The following ENTPD1 variants were observed in gnomAD, a reference collection of about 807,000 sequenced individuals.
ENTPD1 encodes ATP diphosphohydrolase.
A neutral mutation model predicts 57.0 loss-of-function variants in ENTPD1; 33 were observed. The ratio of observed to expected loss-of-function variants is 0.58; its 90% CI spans 0.44 to 0.77. The LOEUF (loss-of-function observed/expected upper bound fraction) is 0.77. ENTPD1 is among the 30% of genes least tolerant of loss of function. The probability of loss-of-function intolerance (pLI) is 0.00; values close to 1 mark genes in which losing one functional copy is unlikely to be tolerated. For synonymous variants in ENTPD1, 202 were observed against 218.8 expected (o/e 0.92, Z 0.68); for missense variants, 501 against 603.4 (o/e 0.83, Z 1.78).
chr10:95,740,792 T>C (rs1327472761), intron 1 of ENTPD1, among the ~76,000 whole-genome samples: 1 of 152,228 alleles, frequency 6.6e-6, no homozygotes, highest in Non-Finnish European at 1.5e-5. Flanking sequence ...ATTACGGAGG[T>C]GGCTTACTTT....
At chr10:95,862,927 T>C (rs1460631740) in intron 8 of ENTPD1, among the ~76,000 whole-genome samples, 4 of 152,026 alleles carry the variant, frequency 2.6e-5, no homozygotes, top group African/African-American at 4.8e-5. Context: ...AGGATATCCA[T>C]GAAGAGAAAA....
intron 1 of ENTPD1, among the ~76,000 whole-genome samples, chr10:95,765,139 T>G (rs2098083649): frequency 6.6e-6 from 1 of 152,240 alleles, no homozygotes; most frequent in South Asian, 2.1e-4. Context: ...GTGGGTTGTC[T>G]TTTCACTTTC....
At position 95,722,350 on chromosome 10, in the gene ENTPD1, T is replaced by C. The variant is rs181131199; in HGVS notation, c.37+10357T>C. On this transcript the variant is annotated intron_variant, in intron 1 of 9. Coordinates refer to the ENTPD1 transcript ENST00000453258. ...GGGTACATGTGCACAATGTGCAGGT[T>C]AGTTACATATGTATACATGTGCCAT... 1.2e-4 allele frequency among the ~76,000 whole-genome samples: 19 copies of C among 152,196 alleles called. No individual in the cohort carries two copies. The East Asian group carries it at 3.3e-3, about 26-fold the overall frequency.
At position 95,876,347 on chromosome 10, in the gene ENTPD1, T is replaced by C; in HGVS notation, c.*9964T>C. On this transcript the variant is annotated 3_prime_UTR_variant, in exon 10 of 10. Transcript: ENST00000371205. ...AATGGGGGCAAATACAGATAAATGG[T>C]AATTCTTAGAATGAACTACTCAGCA... is the stretch of plus-strand genomic sequence containing the variant. 1.0e-6 allele frequency: 1 copy of C among 985,432 alleles called. No individual in the cohort carries two copies. Among genetic ancestry groups the C allele is most frequent in the Non-Finnish European group, 1.2e-6 (1 of 829,918 alleles). 61.0% of individuals were successfully genotyped at this position (985,432 alleles called of 1,614,324 possible). A position where few individuals can be genotyped will look rare whatever the true frequency, so the allele number is the denominator to read the frequency against.
chr10:95,724,829 CAG>C (rs1160214058), intron 1 of ENTPD1, among the ~76,000 whole-genome samples: 1 of 152,216 alleles, frequency 6.6e-6, no homozygotes. Context: ...AGAGTGAAAA[CAG>C]AGCTCCCATA....
chr10:95,765,649 A>G (rs545990985), intron 1 of ENTPD1, among the ~76,000 whole-genome samples: 1 of 152,278 alleles, frequency 6.6e-6, no homozygotes, highest in African/African-American at 2.4e-5. Context: ...TATTTTTTAA[A>G]TATTGTTTGG....
Position 95,872,296 on chromosome 10 carries a change from G to C in ENTPD1, c.*5913G>C. On this transcript the variant is annotated 3_prime_UTR_variant, in exon 10 of 10. Transcript: ENST00000371205. ...CAAAATAAAGTCAACCTCCCCATCAGACATTCAAGGCTTTCAATGATCCAT... is the reference window on the plus strand; with the variant it reads ...CAAAATAAAGTCAACCTCCCCATCACACATTCAAGGCTTTCAATGATCCAT... 1 of 985,356 alleles carries C rather than the reference G, an allele frequency of 1.0e-6. No homozygotes were observed. The highest frequency in any genetic ancestry group is 1.2e-6 in the Non-Finnish European group (1 of 829,926). 61.0% of individuals were successfully genotyped at this position (985,356 alleles called of 1,614,324 possible).
Position 95,871,600 on chromosome 10 carries a change from C to A in ENTPD1, c.*5217C>A, listed in dbSNP as rs1256514662. ...AATAGTGAGGAGGTGCCTCCATGAG[C>A]CTTCTCTTTAGAAAAGTGGCATTCA... is the stretch of plus-strand genomic sequence containing the variant. On this transcript the variant is annotated 3_prime_UTR_variant, in exon 10 of 10. Coordinates refer to ENST00000371205, the MANE Select transcript of ENTPD1 (RefSeq NM_001776.6). 4.1e-6 allele frequency: 4 copies of A among 985,266 alleles called. No homozygotes were observed. The African/African-American group carries it at 7.0e-5, about 17-fold the overall frequency. 61.0% of individuals were successfully genotyped at this position (985,266 alleles called of 1,614,324 possible).
intron 1 of ENTPD1, among the ~76,000 whole-genome samples, chr10:95,784,380 C>T (rs1400564168): frequency 6.6e-6 from 1 of 152,160 alleles, no homozygotes; most frequent in African/African-American, 2.4e-5. Context: ...TCAGCACTGT[C>T]TCTCACCAGC....
At chr10:95,769,022 TC>T (rs1209829681) in intron 1 of ENTPD1, among the ~76,000 whole-genome samples, 1 of 152,116 alleles carries the variant, frequency 6.6e-6, no homozygotes, top group Non-Finnish European at 1.5e-5. Flanking sequence ...AAAAATGCAA[TC>T]ACCAAATGCT....
chr10:95,756,604 C>G (rs761067947), intron 1 of ENTPD1: 5 of 291,040 alleles, frequency 1.7e-5, no homozygotes, highest in African/African-American at 1.1e-4. Context: ...CTCATCTAGC[C>G]TCGGGTCTGT....
rs2141013144 is a variant in ENTPD1, at chr10:95,866,506, A to C, written c.*123A>C. On this transcript the variant is annotated 3_prime_UTR_variant, in exon 10 of 10. Coordinates refer to ENST00000371205, the MANE Select transcript of ENTPD1 (RefSeq NM_001776.6). ...CCAGGGCCAGTCTTGACGAGTGTGA[A>C]GCTTCCTTGGCTTTTACTGAAGCCT... The C allele has an allele frequency of 1.3e-6, 2 of 1,541,178 alleles. No homozygotes were observed. The highest frequency in any genetic ancestry group is 1.7e-6 in the Non-Finnish European group (2 of 1,145,216).
At position 95,873,229 on chromosome 10, in the gene ENTPD1, T is replaced by G. The variant is rs576033587; in HGVS notation, c.*6846T>G. On this transcript the variant is annotated 3_prime_UTR_variant, in exon 10 of 10. Coordinates refer to ENST00000371205, the MANE Select transcript of ENTPD1 (RefSeq NM_001776.6). ...AGAGTTTCTTTTACAGGCTCTCAGATCAGTGTTCATCCACTACCTGACTAC... is the reference window on the plus strand; with the variant it reads ...AGAGTTTCTTTTACAGGCTCTCAGAGCAGTGTTCATCCACTACCTGACTAC... 3 of 985,378 alleles carry G rather than the reference T, an allele frequency of 3.0e-6. No individual in the cohort carries two copies. In the South Asian group the frequency reaches 1.4e-4, roughly 46 times the overall value. 61.0% of individuals were successfully genotyped at this position (985,378 alleles called of 1,614,324 possible).
chr10:95,754,148 A>G (rs549871048), upstream of ENTPD1: 19 of 152,046 alleles, frequency 1.2e-4, no homozygotes, highest in African/African-American at 4.3e-4. Context: ...ATCTCTACTA[A>G]AAATACACAA....
At chr10:95,864,128 TA>T (rs1332563340) in intron 8 of ENTPD1, among the ~76,000 whole-genome samples, 2 of 152,138 alleles carry the variant, frequency 1.3e-5, no homozygotes, top group African/African-American at 4.8e-5. Flanking sequence ...AGACAGAAGA[TA>T]GAAGGTGAGA....
chr10:95,802,181 C>T (rs2098252449), intron 1 of ENTPD1, among the ~76,000 whole-genome samples: 1 of 152,130 alleles, frequency 6.6e-6, no homozygotes, highest in African/African-American at 2.4e-5. Context: ...GGTAGGAGAA[C>T]TCCAAGTGAG....
intron 1 of ENTPD1, among the ~76,000 whole-genome samples, chr10:95,767,172 C>T (rs548510724): frequency 1.3e-5 from 2 of 151,332 alleles, no homozygotes; most frequent in African/African-American, 2.4e-5. Flanking sequence ...AAAAATTAGC[C>T]GGGCGTGGTG....
At chr10:95,803,850 T>A (rs2098261010) in intron 1 of ENTPD1, among the ~76,000 whole-genome samples, 1 of 152,254 alleles carries the variant, frequency 6.6e-6, no homozygotes, top group Non-Finnish European at 1.5e-5. Flanking sequence ...AACATTTAAG[T>A]CTTTAATCCT....
At chr10:95,738,926 A>T (rs188174582) in intron 1 of ENTPD1, among the ~76,000 whole-genome samples, 60 of 152,332 alleles carry the variant, frequency 3.9e-4, no homozygotes, top group Admixed American at 1.4e-3. Context: ...CTTCAGAGAT[A>T]TTGCAAGTTC....
Sources: allele counts gnomAD v4.1 joint callset (sites outside exome capture counted in the v4.1 genomes callset), GRCh38; gene constraint gnomAD v4.1.1; transcripts MANE v1.5; gene names NCBI Gene and HGNC (gene_info 2026-07-23, HGNC 2026-07-21).